The following NOD2 variants were observed in gnomAD, a reference collection of about 807,000 sequenced individuals.
NOD2 encodes the protein nucleotide-binding oligomerization domain-containing protein 2.
Under a neutral mutation model 90.9 loss-of-function variants are expected in NOD2, and 86 were observed. The ratio of observed to expected loss-of-function variants is 0.95; its 90% CI spans 0.79 to 1.13. The LOEUF (loss-of-function observed/expected upper bound fraction) is 1.13, where lower values mean the gene tolerates loss of function less well. Ranked by LOEUF, NOD2 falls within the 50% of genes most tolerant of loss-of-function variation. The probability of loss-of-function intolerance (pLI) is 0.00; values close to 1 mark genes in which losing one functional copy is unlikely to be tolerated. For synonymous variants in NOD2, 581 were observed against 554.6 expected (o/e 1.05, Z -0.67); for missense variants, 1,238 against 1,283.8 (o/e 0.96, Z 0.55).
At chr16:50,723,204 G>A in intron 8 of NOD2, 97 bp from the exon 9 acceptor site, 4 of 857,740 alleles carry the variant, frequency 4.7e-6, no homozygotes, top group Non-Finnish European at 7.7e-6. Context: ...AAATGGAGCA[G>A]ACCAGGAGAG....
chr16:50,719,229 A>T (rs1964932912), intron 6 of NOD2, among the ~76,000 whole-genome samples: 2 of 152,196 alleles, frequency 1.3e-5, no homozygotes, highest in Admixed American at 6.5e-5. Flanking sequence ...TTCTCCAAGG[A>T]TACAATAATA....
At chr16:50,695,295 T>G (rs1963596466) in intron 1 of NOD2, among the ~76,000 whole-genome samples, 2 of 152,070 alleles carry the variant, frequency 1.3e-5, no homozygotes, top group South Asian at 4.2e-4. Context: ...ATTTGGGATA[T>G]ATTTCAAAGG....
At position 50,731,954 on chromosome 16, in the gene NOD2, G is replaced by A. The variant is rs1196954113; in HGVS notation, c.*135G>A. On this transcript the variant is annotated 3_prime_UTR_variant, in exon 12 of 12. Coordinates refer to ENST00000647318, the MANE Select transcript of NOD2 (RefSeq NM_001370466.1). ...GCCTAAGGCTGAACTTGTTTTCTGG[G>A]AACACCATAGGTCACCTTTATTCTG... is the stretch of plus-strand genomic sequence containing the variant. 4.2e-6 allele frequency: 3 copies of A among 716,482 alleles called. No individual in the cohort carries two copies. The highest frequency in any genetic ancestry group is 3.5e-5 in the African/African-American group (2 of 57,646). 44.4% of individuals were successfully genotyped at this position (716,482 alleles called of 1,614,324 possible).
chr16:50,699,084 C>T (rs1331056516), intron 1 of NOD2, among the ~76,000 whole-genome samples: 3 of 152,088 alleles, frequency 2.0e-5, no homozygotes, highest in Non-Finnish European at 2.9e-5. Flanking sequence ...CTCGCCACCA[C>T]GCCTGGCTAA....
At chr16:50,731,698 G>A (rs1965459639) in intron 11 of NOD2, 49 bp from the exon 12 acceptor site, 1 of 1,282,318 alleles carries the variant, frequency 7.8e-7, no homozygotes, top group South Asian at 1.2e-5. Flanking sequence ...TGAAAGCCCT[G>A]CTCTAATTTT....
Position 50,711,703 on chromosome 16 carries a change from C to A in NOD2, c.1711C>A (p.Pro571Thr), listed in dbSNP as rs759418926. 8 of 1,613,994 alleles carry A rather than the reference C, an allele frequency of 5.0e-6. No individual in the cohort carries two copies. In the South Asian group the frequency reaches 8.8e-5, roughly 18 times the overall value. The change falls in exon 4 of 12, where the codon CCC (proline) becomes ACC (threonine). Residue 571 changes from proline to threonine, a missense_variant. This residue lies in a region of NOD2 where 667 missense variants were observed against 688.7 expected (regional missense o/e 0.97). Coordinates refer to ENST00000647318, the MANE Select transcript of NOD2 (RefSeq NM_001370466.1). ...AKGVVPGSTA[P>T]LEFLHITFQC... ...AGGTGTCGTGCCAGGGAGTACGGCG[C>A]CCCTGGAATTCCTTCACATCACTTT... is the stretch of plus-strand genomic sequence containing the variant.
At chr16:50,702,598 A>G (rs777736535) in intron 2 of NOD2, among the ~76,000 whole-genome samples, 10 of 152,218 alleles carry the variant, frequency 6.6e-5, no homozygotes, top group Non-Finnish European at 1.2e-4. Flanking sequence ...AGGGACAGAA[A>G]ATGCTGTGGA....
At chr16:50,708,064 T>G in intron 3 of NOD2, 104 bp downstream of exon 3, 1 of 799,316 alleles carries the variant, frequency 1.3e-6, no homozygotes, top group Non-Finnish European at 2.2e-6. Context: ...GCTGGCAGTA[T>G]AGCCTCCCTA....
At chr16:50,723,673 G>A (rs995437910) in intron 9 of NOD2, among the ~76,000 whole-genome samples, 2 of 152,172 alleles carry the variant, frequency 1.3e-5, no homozygotes, top group African/African-American at 2.4e-5. Flanking sequence ...CAAGCAGGCC[G>A]TGATCTTAGG....
At chr16:50,731,427 AC>A (rs1255329494) in intron 11 of NOD2, among the ~76,000 whole-genome samples, 1 of 152,196 alleles carries the variant, frequency 6.6e-6, no homozygotes, top group Admixed American at 6.5e-5. Flanking sequence ...TTGGGAGGGC[AC>A]CAGGGTTTGC....
intron 1 of NOD2, chr16:50,697,400 G>A: frequency 2.4e-6 from 3 of 1,262,096 alleles, no homozygotes; most frequent in African/African-American, 3.0e-5. Context: ...CAGGCCTGGG[G>A]TCAGATGGGG....
chr16:50,730,514 A>G, intron 11 of NOD2, among the ~76,000 whole-genome samples: 1 of 152,218 alleles, frequency 6.6e-6, no homozygotes, highest in Non-Finnish European at 1.5e-5. Flanking sequence ...TATTTCTCAG[A>G]CAATAAGTAA....
In NOD2 at chr16:50,711,378, A is replaced by G; in HGVS notation, c.1386A>G (p.Ser462=). ...GTTTGTGCCACCTGCCTGTCTTCTC[A>G]TGGATGGTGTCCAAATGCCACCAGG... The part of the protein sequence containing the change: ...LHGLCHLPVF[S]WMVSKCHQEL... The change falls in exon 4 of 12, where the codon TCA becomes TCG. Residue 462 remains serine (S), a synonymous_variant. Coordinates refer to ENST00000647318, the MANE Select transcript of NOD2 (RefSeq NM_001370466.1). The G allele has an allele frequency of 1.2e-6, 2 of 1,613,722 alleles. No individual in the cohort carries two copies. Among genetic ancestry groups the G allele is most frequent in the South Asian group, 1.1e-5 (1 of 91,084 alleles).
chr16:50,699,953 G>T lies in NOD2; in HGVS notation c.458G>T (p.Arg153Met). Residue 153 changes from arginine (R) to methionine (M), a missense_variant and splice_region_variant, in exon 2 of 12, where the codon AGG becomes ATG. Arg to Met is a moderately conservative substitution (Grantham distance 91, BLOSUM62 -1). Around this residue, in one of 3 missense-constraint regions of NOD2, gnomAD observed 567 missense variants for 577.3 expected, o/e 0.98. Transcript: ENST00000647318. ...TTGCCGATCTTCACACCGTCCCAGA[G>T]GGTGAGGCACTCCTGGTGTGCATCA... is the stretch of plus-strand genomic sequence containing the variant. ...IRLPIFTPSQ[R>M]ARRLLDLATV... 1 of 1,603,574 alleles carries T rather than the reference G, an allele frequency of 6.2e-7. No homozygotes were observed. Among genetic ancestry groups the T allele is most frequent in the South Asian group, 1.1e-5 (1 of 91,066 alleles).
Position 50,711,830 on chromosome 16 carries a change from T to C in NOD2, c.1838T>C (p.Met613Thr). 6.2e-7 allele frequency: 1 copy of C among 1,613,842 alleles called. No homozygotes were observed. ...TGTGGCAGGCCAGGCAACTCACCAA[T>C]GGCCAGGCTCCTGCCCACGATGTGC... is the stretch of plus-strand genomic sequence containing the variant. ...FNCGRPGNSP[M>T]ARLLPTMCIQ... The change falls in exon 4 of 12, where the codon ATG (methionine) becomes ACG (threonine). Residue 613 changes from methionine to threonine, a missense_variant. This residue lies in a region of NOD2 where 667 missense variants were observed against 688.7 expected (regional missense o/e 0.97). Coordinates refer to ENST00000647318, the MANE Select transcript of NOD2 (RefSeq NM_001370466.1).
chr16:50,697,163 C>T (rs1002935365), intron 1 of NOD2: 49 of 1,179,806 alleles, frequency 4.2e-5, no homozygotes, highest in Non-Finnish European at 5.9e-5. Flanking sequence ...GCTCACCAGT[C>T]CTGTGCCACT....
In NOD2 at chr16:50,729,856, C is replaced by T; in HGVS notation, c.2924C>T (p.Ala975Val). The T allele has an allele frequency of 6.2e-7, 1 of 1,613,114 alleles. No individual in the cohort carries two copies. The highest frequency in any genetic ancestry group is 8.5e-7 in the Non-Finnish European group (1 of 1,179,248). Reference protein sequence around the residue: ...NNCITYLGAEALLQALERNDT... With the variant: ...NNCITYLGAEVLLQALERNDT... ...TGCATCACCTACCTAGGGGCAGAAG[C>T]CCTCCTGCAGGCCCTTGAAAGGAAT... is the stretch of plus-strand genomic sequence containing the variant. The change falls in exon 11 of 12, where the codon GCC becomes GTC. Residue 975 changes from alanine to valine, a missense_variant. Around this residue, in one of 3 missense-constraint regions of NOD2, gnomAD observed 667 missense variants for 688.7 expected, o/e 0.97. Coordinates refer to ENST00000647318, the MANE Select transcript of NOD2 (RefSeq NM_001370466.1).
rs1170499017 is a variant in NOD2 at position 50,697,750 on chromosome 16, C to A, written c.-8-1738C>A. 1.0e-5 allele frequency: 3 copies of A among 297,044 alleles called. No individual in the cohort carries two copies. In the Admixed American group the frequency reaches 1.4e-4, roughly 14 times the overall value. The allele number at this position is 297,044 out of a possible 1,614,324, so 18.4% of individuals were successfully genotyped here. On this transcript the variant is annotated intron_variant, in intron 1 of 11. Coordinates refer to ENST00000647318, the MANE Select transcript of NOD2 (RefSeq NM_001370466.1). ...CCCAAGCAGCCAGACACACAAGTAA[C>A]CTCATTGCCTCAGTTTCCCCATCTG...
chr16:50,726,572 G>A (rs930402086), intron 10 of NOD2, among the ~76,000 whole-genome samples: 2 of 152,164 alleles, frequency 1.3e-5, no homozygotes, highest in Admixed American at 1.3e-4. Flanking sequence ...TGCACTGAGG[G>A]TCGGCCTTTG....
Sources: allele counts gnomAD v4.1 joint callset (sites outside exome capture counted in the v4.1 genomes callset), GRCh38; gene constraint gnomAD v4.1.1; regional missense constraint gnomAD v4.1.1; transcripts MANE v1.5; gene names NCBI Gene and HGNC (gene_info 2026-07-23, HGNC 2026-07-21).